PDZRN4: variants seen among roughly 807,000 people sequenced by gnomAD.
PDZRN4 encodes the protein PDZ domain containing ring finger 4, also known as PDZ domain-containing RING finger protein 4.
A neutral mutation model predicts 99.0 loss-of-function variants in PDZRN4; 70 were observed. That is an observed-to-expected ratio of 0.71 (90% CI 0.58 to 0.86). The LOEUF (loss-of-function observed/expected upper bound fraction) is 0.86. PDZRN4 is among the 40% of genes least tolerant of loss of function. PDZRN4 has a pLI of 0.00. For synonymous variants in PDZRN4, 551 were observed against 501.6 expected (o/e 1.10, Z -1.32); for missense variants, 1,474 against 1,331.2 (o/e 1.11, Z -1.67).
intron 3 of PDZRN4, among the ~76,000 whole-genome samples, chr12:41,209,843 G>C (rs1242807604): frequency 0.011 from 1,679 of 149,636 alleles, 36 homozygotes; most frequent in African/African-American, 0.039. Flanking sequence ...ATGATTTATA[G>C]TCCTTTGGGT....
chr12:41,383,280 G>A (rs1952139924), intron 3 of PDZRN4, among the ~76,000 whole-genome samples: 2 of 152,158 alleles, frequency 1.3e-5, no homozygotes, highest in African/African-American at 4.8e-5. Flanking sequence ...CCTTCTGCCA[G>A]GGAAATGACT....
chr12:41,293,442 T>G (rs1406968423), intron 3 of PDZRN4, among the ~76,000 whole-genome samples: 3 of 151,798 alleles, frequency 2.0e-5, no homozygotes, highest in Non-Finnish European at 4.4e-5. Context: ...GCTCCTGCTC[T>G]GTCAAGAGTC....
intron 3 of PDZRN4, among the ~76,000 whole-genome samples, chr12:41,250,521 A>G (rs1260206767): frequency 6.6e-6 from 1 of 152,240 alleles, no homozygotes. Context: ...CCAGCCTTTT[A>G]GTCCATCCCT....
rs150928950 is a variant in PDZRN4, at chr12:41,257,155, C to A, written c.843+62967C>A. ...TTTCAAATGTAGATCAAATATGCTC[C>A]TGAAAACCCCTGAATGAATTCTCTT... On this transcript the variant is annotated intron_variant, in intron 3 of 9. Coordinates refer to ENST00000402685, the MANE Select transcript of PDZRN4 (RefSeq NM_001164595.2). 2.0e-5 allele frequency among the ~76,000 whole-genome samples: 3 copies of A among 152,274 alleles called. No individual in the cohort carries two copies. In the East Asian group the frequency reaches 5.8e-4, roughly 29 times the overall value.
intron 3 of PDZRN4, among the ~76,000 whole-genome samples, chr12:41,245,511 A>G (rs1360105379): frequency 1.3e-5 from 2 of 152,160 alleles, no homozygotes; most frequent in African/African-American, 4.8e-5. Flanking sequence ...ATACACTGAA[A>G]TATATATGGA....
At chr12:41,461,244 C>G (rs1952871101) in intron 3 of PDZRN4, among the ~76,000 whole-genome samples, 1 of 151,334 alleles carries the variant, frequency 6.6e-6, no homozygotes, top group African/African-American at 2.4e-5. Flanking sequence ...TTCAGATGTA[C>G]AAGTGCAGGT....
At chr12:41,361,395 T>C (rs1157765028) in intron 3 of PDZRN4, among the ~76,000 whole-genome samples, 2 of 152,024 alleles carry the variant, frequency 1.3e-5, no homozygotes, top group Non-Finnish European at 2.9e-5. Flanking sequence ...ACTTAAGACA[T>C]GCAGATAAAG....
At chr12:41,506,270 G>T (rs1331806133) in intron 3 of PDZRN4, among the ~76,000 whole-genome samples, 186 bp from the exon 4 acceptor site, 1 of 152,098 alleles carries the variant, frequency 6.6e-6, no homozygotes, top group African/African-American at 2.4e-5. Flanking sequence ...AGTAATTGTT[G>T]TTGTAATCTC....
intron 3 of PDZRN4, among the ~76,000 whole-genome samples, chr12:41,326,589 C>A (rs542914036): frequency 1.2e-4 from 18 of 152,212 alleles, no homozygotes; most frequent in African/African-American, 4.1e-4. Flanking sequence ...GATCAAGATA[C>A]CCCAGCCTCA....
chr12:41,387,477 T>A (rs890037491), intron 3 of PDZRN4, among the ~76,000 whole-genome samples: 1 of 151,956 alleles, frequency 6.6e-6, no homozygotes, highest in Non-Finnish European at 1.5e-5. Context: ...CCCAGCTACT[T>A]GAGAGGCTGA....
chr12:41,411,048 A>AAT (rs367970913), intron 3 of PDZRN4, among the ~76,000 whole-genome samples: 1,573 of 128,372 alleles, frequency 0.012, 32 homozygotes, highest in African/African-American at 0.042. Flanking sequence ...TGAGCTTTAA[A>AAT]ATATATATAT....
intron 3 of PDZRN4, among the ~76,000 whole-genome samples, chr12:41,460,456 G>T (rs1952861060): frequency 6.6e-6 from 1 of 152,148 alleles, no homozygotes; most frequent in African/African-American, 2.4e-5. Context: ...AAGAAATATT[G>T]TTTCCAGATG....
chr12:41,226,697 A>C (rs984369808), intron 3 of PDZRN4, among the ~76,000 whole-genome samples: 3 of 152,212 alleles, frequency 2.0e-5, no homozygotes, highest in Non-Finnish European at 2.9e-5. Flanking sequence ...TATTGGCCAC[A>C]TGATTCAAAT....
chr12:41,505,965 A>C (rs1007561633), intron 3 of PDZRN4, among the ~76,000 whole-genome samples: 1 of 152,166 alleles, frequency 6.6e-6, no homozygotes, highest in South Asian at 2.1e-4. Flanking sequence ...ATTTAGGATA[A>C]AATGCACATG....
intron 3 of PDZRN4, among the ~76,000 whole-genome samples, chr12:41,197,098 C>A (rs1169216366): frequency 6.6e-6 from 1 of 151,990 alleles, no homozygotes; most frequent in East Asian, 1.9e-4. Flanking sequence ...TATATATAGT[C>A]AAGATATGCT....
intron 3 of PDZRN4, among the ~76,000 whole-genome samples, chr12:41,456,124 C>T (rs914282672): frequency 1.3e-5 from 2 of 152,214 alleles, no homozygotes; most frequent in African/African-American, 4.8e-5. Context: ...TTCAAGCCAT[C>T]GTCCACCCTG....
rs1008707522 is a variant in PDZRN4 at position 41,339,673 on chromosome 12, T to A, written c.843+145485T>A. Among the ~76,000 whole-genome samples the A allele has an allele frequency of 4.6e-5, 7 of 152,082 alleles. No individual in the cohort carries two copies. In the South Asian group the frequency reaches 1.0e-3, roughly 23 times the overall value. On this transcript the variant is annotated intron_variant, in intron 3 of 9. Transcript: ENST00000402685. ...TAGAATGGGGGTCATGAACTCTCCA[T>A]CTGACAAGGAATTAATAGGCAGAAT...
intron 3 of PDZRN4, among the ~76,000 whole-genome samples, chr12:41,376,136 C>T (rs953472110): frequency 7.9e-5 from 12 of 152,052 alleles, no homozygotes; most frequent in Non-Finnish European, 5.9e-5. Flanking sequence ...CTGTGTATAT[C>T]TCACAATTTT....
At chr12:41,569,121 AT>A (rs1939430968) in intron 9 of PDZRN4, among the ~76,000 whole-genome samples, 1 of 143,494 alleles carries the variant, frequency 7.0e-6, no homozygotes, top group South Asian at 2.3e-4. Flanking sequence ...TATTATCATT[AT>A]TATTATTATT....
Sources: allele counts gnomAD v4.1 joint callset (sites outside exome capture counted in the v4.1 genomes callset), GRCh38; gene constraint gnomAD v4.1.1; transcripts MANE v1.5; gene names NCBI Gene and HGNC (gene_info 2026-07-23, HGNC 2026-07-21).